The following CDK8 variants were observed in gnomAD, a reference collection of about 807,000 sequenced individuals.
CDK8 encodes cyclin dependent kinase 8.
In CDK8, 29 loss-of-function variants were observed where a neutral mutation model predicts 71.5. The observed-to-expected ratio is 0.41, with a 90% confidence interval of 0.30 to 0.55. CDK8 has a LOEUF of 0.55. Among genes scored for constraint, CDK8 ranks in the 20% least tolerant of loss-of-function variants. The probability of loss-of-function intolerance (pLI) is 0.37; values close to 1 mark genes in which losing one functional copy is unlikely to be tolerated. For synonymous variants in CDK8, 161 were observed against 192.1 expected, an observed-to-expected ratio of 0.84 and a Z score of 1.34; for missense variants, 288 against 572.6, an observed-to-expected ratio of 0.50 and a Z score of 5.07.
At chr13:26,334,865 T>C (rs371381942) in intron 1 of CDK8, among the ~76,000 whole-genome samples, 2 of 152,178 alleles carry the variant, frequency 1.3e-5, no homozygotes, top group African/African-American at 4.8e-5. Context: ...AAAATGAACA[T>C]ATCAAAATCG....
At chr13:26,328,353 A>G (rs1486979879) in intron 1 of CDK8, among the ~76,000 whole-genome samples, 1 of 152,168 alleles carries the variant, frequency 6.6e-6, no homozygotes, top group Non-Finnish European at 1.5e-5. Context: ...GTCTTTTTCC[A>G]TGAAAGAAGT....
intron 4 of CDK8, among the ~76,000 whole-genome samples, chr13:26,376,845 C>G (rs1874975265): frequency 6.6e-6 from 1 of 152,146 alleles, no homozygotes; most frequent in East Asian, 1.9e-4. Context: ...TAAAGCTAAT[C>G]TGAACAATGT....
chr13:26,379,025 T>C (rs995344289), intron 4 of CDK8, among the ~76,000 whole-genome samples: 3 of 152,206 alleles, frequency 2.0e-5, no homozygotes, highest in Non-Finnish European at 2.9e-5. Flanking sequence ...GCCTTTCCTG[T>C]GTTTTTCTCT....
intron 5 of CDK8, 36 bp downstream of exon 5, chr13:26,382,907 T>G: frequency 6.9e-7 from 1 of 1,444,824 alleles, no homozygotes; most frequent in Non-Finnish European, 9.5e-7. Flanking sequence ...AGTGTAGCAC[T>G]TTTTTAAAAC....
In CDK8 at chr13:26,254,269, C is replaced by G. The variant is rs1871408487; in HGVS notation, c.-373C>G. 1 of 277,728 alleles carries G rather than the reference C, an allele frequency of 3.6e-6. No homozygotes were observed. The highest frequency in any genetic ancestry group is 6.0e-5 in the East Asian group (1 of 16,774). 17.2% of individuals were successfully genotyped at this position (277,728 alleles called of 1,614,324 possible). On this transcript the variant is annotated 5_prime_UTR_variant, in exon 1 of 13. Coordinates refer to ENST00000381527, the MANE Select transcript of CDK8 (RefSeq NM_001260.3). This position sits in a 1 kb window ranked among gnomAD's most constrained non-coding sequence, Gnocchi z 6.7. ...GAGGACGAGAGCCCGCCTGGCCGCC[C>G]CGCCGCTCCCGCCGCAGCAGGAGCA...
intron 9 of CDK8, among the ~76,000 whole-genome samples, chr13:26,399,287 G>T (rs975736682): frequency 1.3e-5 from 2 of 152,202 alleles, no homozygotes; most frequent in Non-Finnish European, 2.9e-5. Context: ...TGGGATTACA[G>T]GTGTGAGCCA....
chr13:26,339,745 C>T (rs1376244665), intron 2 of CDK8, among the ~76,000 whole-genome samples: 1 of 41,810 alleles, frequency 2.4e-5, no homozygotes, highest in Non-Finnish European at 8.4e-5. Context: ...TATATAATTA[C>T]TTAAAAAAAA....
intron 1 of CDK8, among the ~76,000 whole-genome samples, chr13:26,259,652 G>T (rs143714417): frequency 1.2e-3 from 178 of 152,160 alleles, no homozygotes; most frequent in African/African-American, 4.0e-3. Flanking sequence ...CGCTATTTAG[G>T]CCACGTTGAG....
At chr13:26,303,028 T>C (rs1873890855) in intron 1 of CDK8, among the ~76,000 whole-genome samples, 1 of 152,156 alleles carries the variant, frequency 6.6e-6, no homozygotes, top group African/African-American at 2.4e-5. Flanking sequence ...GTGTTTGGAA[T>C]TGTTGGTCCT....
intron 1 of CDK8, among the ~76,000 whole-genome samples, chr13:26,315,691 GGCTT>G (rs1479445342): frequency 2.0e-5 from 3 of 151,998 alleles, no homozygotes; most frequent in Non-Finnish European, 4.4e-5. Context: ...TTGAAGTTGA[GGCTT>G]GCTTTCTAGC....
At chr13:26,315,291 G>A (rs1565969063) in intron 1 of CDK8, among the ~76,000 whole-genome samples, 1 of 152,118 alleles carries the variant, frequency 6.6e-6, no homozygotes, top group Admixed American at 6.5e-5. Flanking sequence ...GTTTTGTAAG[G>A]TCTGTCATCC....
At chr13:26,306,288 G>C (rs793126) in intron 1 of CDK8, among the ~76,000 whole-genome samples, 143,871 of 152,036 alleles carry the variant, frequency 0.95, 68,117 homozygotes, top group East Asian at 1. Context: ...ATTTTTATCT[G>C]CTGAGCCCTA....
intron 3 of CDK8, among the ~76,000 whole-genome samples, chr13:26,350,308 G>A (rs1873633550): frequency 6.6e-6 from 1 of 152,078 alleles, no homozygotes; most frequent in East Asian, 1.9e-4. Context: ...TATCTCTTGG[G>A]ACTTTTAGTT....
At chr13:26,338,580 A>G (rs1466003356) in intron 2 of CDK8, among the ~76,000 whole-genome samples, 1 of 152,138 alleles carries the variant, frequency 6.6e-6, no homozygotes, top group African/African-American at 2.4e-5. Flanking sequence ...GAATGTAAGA[A>G]TTACTTTCAT....
chr13:26,277,093 C>G lies in CDK8; in HGVS notation c.128+22324C>G, dbSNP rs149302097. The stretch of plus-strand genomic sequence containing the variant: ...AGAAGAACACACAAACAATGCAGCT[C>G]TGTGTGCCTATTCTTTGATGCAACT... On this transcript the variant is annotated intron_variant, in intron 1 of 12. Transcript: ENST00000381527. 4.0e-3 allele frequency among the ~76,000 whole-genome samples: 604 copies of G among 152,328 alleles called. 7 individuals are homozygous for G. Among genetic ancestry groups the G allele is most frequent in the African/African-American group, 0.014 (570 of 41,582 alleles).
intron 7 of CDK8, 132 bp downstream of exon 7, chr13:26,393,642 T>G: frequency 1.1e-6 from 1 of 879,330 alleles, no homozygotes; most frequent in South Asian, 1.7e-5. Context: ...TGACTTGCAT[T>G]TATCAAAGAT....
chr13:26,317,006 A>G (rs761040341), intron 1 of CDK8, among the ~76,000 whole-genome samples: 1 of 152,218 alleles, frequency 6.6e-6, no homozygotes, highest in Admixed American at 6.5e-5. Flanking sequence ...CAATTAAGAG[A>G]TAGAAAACCT....
chr13:26,354,603 G>A (rs989440776), intron 4 of CDK8, among the ~76,000 whole-genome samples: 9 of 152,154 alleles, frequency 5.9e-5, no homozygotes, highest in African/African-American at 2.2e-4. Context: ...ATCAGTGGCA[G>A]CATTAGATTC....
intron 2 of CDK8, among the ~76,000 whole-genome samples, chr13:26,343,660 G>A (rs150276652): frequency 1.1e-3 from 162 of 152,242 alleles, no homozygotes; most frequent in Non-Finnish European, 1.9e-3. Flanking sequence ...GAAGGCCTAG[G>A]ACATTAATGT....
Sources: gnomAD v4.1 joint callset for allele counts (sites outside exome capture counted in the v4.1 genomes callset) on GRCh38, gnomAD v4.1.1 for gene constraint, Gnocchi (gnomAD v3.1) non-coding constraint, MANE v1.5 for transcripts, NCBI Gene and HGNC (gene_info 2026-07-23, HGNC 2026-07-21) for gene names.